The following FAM107B variants were observed in gnomAD, a reference collection of about 807,000 sequenced individuals.
The protein encoded by FAM107B is protein FAM107B.
FAM107B carries 21 observed loss-of-function variants against 31.5 expected under a neutral mutation model. The ratio of observed to expected loss-of-function variants is 0.67; its 90% CI spans 0.47 to 0.96. FAM107B has a LOEUF of 0.96. Among genes scored for constraint, FAM107B ranks in the 40% least tolerant of loss-of-function variants. The pLI, the probability that FAM107B is intolerant of heterozygous loss-of-function variation, is 0.00. For missense variants in FAM107B, 452 were observed against 377.1 expected (o/e 1.20, Z -1.64); for synonymous variants, 157 against 141.5 (o/e 1.11, Z -0.78).
chr10:14,714,026 T>C (rs1447298448), intron 1 of FAM107B, among the ~76,000 whole-genome samples: 2 of 151,954 alleles, frequency 1.3e-5, no homozygotes, highest in Non-Finnish European at 2.9e-5. Flanking sequence ...CAGGGCCTAC[T>C]TGAGAGTGGA....
intron 3 of FAM107B, among the ~76,000 whole-genome samples, chr10:14,526,867 TC>T (rs1846298037): frequency 6.6e-6 from 1 of 151,890 alleles, no homozygotes; most frequent in Non-Finnish European, 1.5e-5. Flanking sequence ...AGACGGAGTC[TC>T]GCTTTGTCAC....
Position 14,550,851 on chromosome 10 carries a change from G to A in FAM107B, c.470-20336C>T, listed in dbSNP as rs78086705. ...TGAAAAGGACAAGGACAAAGGACAC[G>A]TTAACATACTCATAATGAAAACTTG... is the stretch of plus-strand genomic sequence containing the variant. On this transcript the variant is annotated intron_variant, in intron 2 of 4. Transcript: ENST00000181796. 7.4e-3 allele frequency among the ~76,000 whole-genome samples: 1,127 copies of A among 152,276 alleles called. 15 individuals carry two copies. The highest frequency in any genetic ancestry group is 0.026 in the African/African-American group (1,065 of 41,544).
At position 14,633,185 on chromosome 10, in the gene FAM107B, A is replaced by G. The variant is rs958998144; in HGVS notation, c.469+34449T>C. Among the ~76,000 whole-genome samples the G allele has an allele frequency of 2.2e-5, 3 of 135,480 alleles. No individual in the cohort carries two copies. In the Admixed American group the frequency reaches 2.3e-4, roughly 10 times the overall value. 88.9% of individuals were successfully genotyped at this position (135,480 alleles called of 152,430 possible). On this transcript the variant is annotated intron_variant, in intron 2 of 4. Transcript: ENST00000181796. ...CTGCACTCCAGCCTGGGTGATAGAG[A>G]CTCTGTCTCAAAAAAAAAAAAAAAA... is the stretch of plus-strand genomic sequence containing the variant.
intron 1 of FAM107B, among the ~76,000 whole-genome samples, chr10:14,772,427 C>T (rs1833328401): frequency 6.6e-6 from 1 of 151,668 alleles, no homozygotes; most frequent in Non-Finnish European, 1.5e-5. Flanking sequence ...GTGTAAAGCA[C>T]TTAGAATAAG....
chr10:14,761,248 T>A (rs986985177), intron 1 of FAM107B, among the ~76,000 whole-genome samples: 1 of 152,216 alleles, frequency 6.6e-6, no homozygotes, highest in African/African-American at 2.4e-5. Flanking sequence ...CTGAAGATGC[T>A]ATGAAGAATC....
chr10:14,631,080 T>G (rs1853342734), intron 2 of FAM107B, among the ~76,000 whole-genome samples: 1 of 152,210 alleles, frequency 6.6e-6, no homozygotes, highest in South Asian at 2.1e-4. Context: ...TCTCTTTCTA[T>G]TGTACTGATC....
At chr10:14,693,992 C>A (rs1855206892) in intron 1 of FAM107B, among the ~76,000 whole-genome samples, 1 of 152,176 alleles carries the variant, frequency 6.6e-6, no homozygotes, top group Non-Finnish European at 1.5e-5. Context: ...TGAGTCTAGC[C>A]TATTTCACTT....
At chr10:14,526,716 C>T (rs1846274039) in intron 3 of FAM107B, among the ~76,000 whole-genome samples, 1 of 152,180 alleles carries the variant, frequency 6.6e-6, no homozygotes, top group Non-Finnish European at 1.5e-5. Context: ...AAGCCACTGA[C>T]TTCAAAATAT....
At chr10:14,714,168 C>A (rs1431604854) in intron 1 of FAM107B, among the ~76,000 whole-genome samples, 1 of 152,164 alleles carries the variant, frequency 6.6e-6, no homozygotes, top group Non-Finnish European at 1.5e-5. Flanking sequence ...GTGTATTTAC[C>A]CCTGAGCCTA....
At chr10:14,556,568 C>A (rs941890555) in intron 2 of FAM107B, among the ~76,000 whole-genome samples, 2 of 152,236 alleles carry the variant, frequency 1.3e-5, no homozygotes, top group Non-Finnish European at 2.9e-5. Flanking sequence ...GTGCTCCGTG[C>A]TACTGCCCCT....
chr10:14,759,181 A>AAAAT (rs60547324), intron 1 of FAM107B, among the ~76,000 whole-genome samples: 48,572 of 144,694 alleles, frequency 0.34, 8,311 homozygotes, highest in African/African-American at 0.4. Flanking sequence ...TCTGTCTCAA[A>AAAAT]AAATAAATAA....
chr10:14,641,657 T>C (rs989093015), intron 2 of FAM107B, among the ~76,000 whole-genome samples: 8 of 152,314 alleles, frequency 5.3e-5, no homozygotes, highest in Admixed American at 3.3e-4. Context: ...CTGAGGGCAC[T>C]ATTCACATCA....
intron 3 of FAM107B, among the ~76,000 whole-genome samples, chr10:14,527,252 A>AC (rs1363197732): frequency 6.6e-6 from 1 of 152,168 alleles, no homozygotes; most frequent in Admixed American, 6.5e-5. Flanking sequence ...GAAAGTGAGA[A>AC]CCTGACACAA....
At chr10:14,728,939 C>G (rs1856099434) in intron 1 of FAM107B, among the ~76,000 whole-genome samples, 1 of 152,110 alleles carries the variant, frequency 6.6e-6, no homozygotes, top group African/African-American at 2.4e-5. Flanking sequence ...AAAATACAAG[C>G]CAGGCACTTT....
chr10:14,645,141 A>G (rs1853721186), intron 2 of FAM107B, among the ~76,000 whole-genome samples: 1 of 152,170 alleles, frequency 6.6e-6, no homozygotes, highest in African/African-American at 2.4e-5. Flanking sequence ...CTGAGGAACC[A>G]CTTAGTTACA....
intron 2 of FAM107B, among the ~76,000 whole-genome samples, chr10:14,628,115 T>TTTTTTTG (rs1304588701): frequency 2.5e-5 from 3 of 120,260 alleles, no homozygotes; most frequent in African/African-American, 3.6e-5. Flanking sequence ...TTTGCTGGTT[T>TTTTTTTG]TTTTTTTTTT....
intron 2 of FAM107B, among the ~76,000 whole-genome samples, chr10:14,581,380 G>A (rs570131097): frequency 5.3e-4 from 80 of 152,316 alleles, no homozygotes; most frequent in Non-Finnish European, 9.4e-4. Flanking sequence ...GGAAGCGGCT[G>A]GAACCCGGGT....
intron 1 of FAM107B, among the ~76,000 whole-genome samples, chr10:14,745,052 G>A (rs896069766): frequency 6.6e-6 from 1 of 152,150 alleles, no homozygotes; most frequent in Non-Finnish European, 1.5e-5. Context: ...ATGTGTCCAG[G>A]AATTTATCAA....
chr10:14,525,374 T>C (rs1323626225), intron 3 of FAM107B, among the ~76,000 whole-genome samples: 2 of 152,174 alleles, frequency 1.3e-5, no homozygotes, highest in African/African-American at 4.8e-5. Flanking sequence ...CAAAGCCAAT[T>C]TAAAAAACTA....
Sources: gnomAD v4.1 joint callset for allele counts (sites outside exome capture counted in the v4.1 genomes callset) on GRCh38, gnomAD v4.1.1 for gene constraint, MANE v1.5 for transcripts, NCBI Gene and HGNC (gene_info 2026-07-23, HGNC 2026-07-21) for gene names.